The following AOX1 variants were observed in gnomAD, a reference collection of about 807,000 sequenced individuals.
AOX1 encodes aldehyde oxidase.
AOX1 carries 153 observed loss-of-function variants against 169.5 expected under a neutral mutation model. That is an observed-to-expected ratio of 0.90 (90% CI 0.79 to 1.03). AOX1 has a LOEUF of 1.03. Among genes scored for constraint, AOX1 ranks in the 50% least tolerant of loss-of-function variants. The probability of loss-of-function intolerance (pLI) is 0.00; values close to 1 mark genes in which losing one functional copy is unlikely to be tolerated. For missense variants in AOX1, 1,656 were observed against 1,663.9 expected, an observed-to-expected ratio of 1.00 and a Z score of 0.08; for synonymous variants, 562 against 581.9, an observed-to-expected ratio of 0.97 and a Z score of 0.49.
rs774139908 is a variant in AOX1, at chr2:200,623,918, A to G, written c.2059A>G (p.Lys687Glu). Residue 687 changes from lysine to glutamate, a missense_variant, in exon 19 of 35, where the codon AAG becomes GAG. Physicochemically the swap from Lys to Glu is moderately conservative, Grantham distance 56. Transcript: ENST00000374700. The stretch of plus-strand genomic sequence containing the variant: ...GCTTGCCGATTCTGAGGTTCAGGCA[A>G]AGCGAGCTGCTAAGCGAGTGAAGAT... Reference protein sequence around the residue: ...AVLADSEVQAKRAAKRVKIVY... With the variant: ...AVLADSEVQAERAAKRVKIVY... 6.2e-7 allele frequency: 1 copy of G among 1,614,046 alleles called. No individual in the cohort carries two copies. The highest frequency in any genetic ancestry group is 1.3e-5 in the African/African-American group (1 of 74,944).
chr2:200,670,050 T>G (rs1574968432), intron 34 of AOX1, among the ~76,000 whole-genome samples: 1 of 152,164 alleles, frequency 6.6e-6, no homozygotes, highest in East Asian at 1.9e-4. Context: ...TGGTCAGGAA[T>G]AGAAGTTCAG....
intron 1 of AOX1, chr2:200,588,124 G>T (rs1045932113): frequency 9.8e-5 from 15 of 152,464 alleles, no homozygotes; most frequent in African/African-American, 3.6e-4. Flanking sequence ...CAGAGAGTAT[G>T]CAGGATACTT....
intron 12 of AOX1, among the ~76,000 whole-genome samples, 156 bp downstream of exon 12, chr2:200,609,570 C>G (rs2034590673): frequency 6.6e-6 from 1 of 152,152 alleles, no homozygotes; most frequent in Non-Finnish European, 1.5e-5. Flanking sequence ...TGAGTCTTGT[C>G]TTAATAGCAC....
At chr2:200,680,845 G>C (rs999772314), downstream of AOX1, among the ~76,000 whole-genome samples, 3 of 152,110 alleles carry the variant, frequency 2.0e-5, no homozygotes, top group Non-Finnish European at 4.4e-5. Flanking sequence ...CATATACCCA[G>C]CCAGGGCCAA....
At position 200,621,071 on chromosome 2, in the gene AOX1, C is replaced by G. The variant is rs199520182; in HGVS notation, c.1875-49C>G. ...ATCTTATTATCCAATTAACCATGTT[C>G]TTGGCCTCTATGGCCACTCTAAGGA... is the stretch of plus-strand genomic sequence containing the variant. On this transcript the variant is annotated intron_variant, in intron 17 of 34. Coordinates refer to ENST00000374700, the MANE Select transcript of AOX1 (RefSeq NM_001159.4). 31 of 1,571,354 alleles carry G rather than the reference C, an allele frequency of 2.0e-5. No individual in the cohort carries two copies. In the East Asian group the frequency reaches 7.0e-4, roughly 35 times the overall value.
Position 200,666,741 on chromosome 2 carries a change from G to A in AOX1, c.3598G>A (p.Asp1200Asn), listed in dbSNP as rs1207592904. The A allele has an allele frequency of 3.1e-6, 5 of 1,611,078 alleles. No individual in the cohort carries two copies. Among genetic ancestry groups the A allele is most frequent in the South Asian group, 1.1e-5 (1 of 90,366 alleles). ...TGGCTGCAGTATAAATCCAGCCATT[G>A]ACATAGGCCAGGTACGTGTAACTGA... Reference protein sequence around the residue: ...DVGCSINPAIDIGQIEGAFIQ... With the variant: ...DVGCSINPAINIGQIEGAFIQ... The change falls in exon 32 of 35, where the codon GAC becomes AAC. Residue 1200 changes from aspartate (D) to asparagine (N), a missense_variant. Asp to Asn is a conservative substitution (Grantham distance 23). Coordinates refer to ENST00000374700, the MANE Select transcript of AOX1 (RefSeq NM_001159.4).
At chr2:200,606,210 A>T (rs1267505361) in intron 10 of AOX1, among the ~76,000 whole-genome samples, 1 of 152,200 alleles carries the variant, frequency 6.6e-6, no homozygotes, top group Non-Finnish European at 1.5e-5. Flanking sequence ...ATGGCTAGCC[A>T]GTTTTCCCAG....
rs2034261917 is a variant in AOX1, at chr2:200,595,362, GGATAAGGTACCGTGCAGCAAAGTCCA to G, written c.199_200+24del. The G allele has an allele frequency of 6.2e-7, 1 of 1,611,620 alleles. No homozygotes were observed. Among genetic ancestry groups the G allele is most frequent in the South Asian group, 1.1e-5 (1 of 90,816 alleles). On this transcript the variant is annotated splice_donor_variant and splice_donor_5th_base_variant and coding_sequence_variant and intron_variant, in exon 3 of 35. Transcript: ENST00000374700. LOFTEE classifies it high-confidence loss of function. ...TCACGATACAACCCCATCACCAAGA[GGATAAGGTACCGTGCAGCAAAGTCCA>G]GATATGGTTGAATTTTTATAATTTT...
intron 4 of AOX1, among the ~76,000 whole-genome samples, chr2:200,598,679 A>G (rs916914065): frequency 7.3e-5 from 11 of 150,882 alleles, no homozygotes; most frequent in Non-Finnish European, 1.0e-4. Flanking sequence ...TGGGAGGTGG[A>G]GGTTGCAGTG....
intron 20 of AOX1, among the ~76,000 whole-genome samples, chr2:200,630,548 G>GAGGA (rs67400406): frequency 0.18 from 21,889 of 119,406 alleles, 2,301 homozygotes; most frequent in Non-Finnish European, 0.23. Context: ...GGAAGGAAGG[G>GAGGA]AGGAAGGAAG....
chr2:200,662,034 T>C (rs1046248651), intron 30 of AOX1, among the ~76,000 whole-genome samples: 4 of 152,200 alleles, frequency 2.6e-5, no homozygotes, highest in African/African-American at 7.2e-5. Flanking sequence ...ACCTTCAGGA[T>C]TGGCAAAAAA....
intron 4 of AOX1, 101 bp from the exon 5 acceptor site, chr2:200,599,519 C>A: frequency 1.1e-6 from 1 of 945,626 alleles, no homozygotes; most frequent in Non-Finnish European, 1.5e-6. Context: ...TCTTAACATG[C>A]AGACAAATCA....
rs754501407 is a variant in AOX1, at chr2:200,627,384, C to T, written c.2156C>T (p.Pro719Leu). The T allele has an allele frequency of 1.9e-6, 3 of 1,613,836 alleles. No homozygotes were observed. The highest frequency in any genetic ancestry group is 2.5e-6 in the Non-Finnish European group (3 of 1,179,786). ...ESIQHNSSFK[P>L]ERKLEYGNVD... ...ATACAACACAACTCCTCCTTCAAGC[C>T]AGAAAGGAAACTGGAATATGGAAAT... The change falls in exon 20 of 35, where the codon CCA (proline) becomes CTA (leucine). Residue 719 changes from proline to leucine, a missense_variant. Coordinates refer to ENST00000374700, the MANE Select transcript of AOX1 (RefSeq NM_001159.4).
Position 200,611,417 on chromosome 2 carries a change from T to G in AOX1, c.1187T>G (p.Phe396Cys), listed in dbSNP as rs201249186. 3.9e-5 allele frequency: 63 copies of G among 1,613,812 alleles called. No homozygotes were observed. In the African/African-American group the frequency reaches 8.4e-4, roughly 22 times the overall value. ...GKRQIPLNEQ[F>C]LSKCPNADLK... ...CGACAGATTCCTTTAAATGAGCAAT[T>G]CCTCAGCAAGTGCCCTAATGCAGAT... Residue 396 changes from phenylalanine to cysteine, a missense_variant, in exon 13 of 35, where the codon TTC (phenylalanine) becomes TGC (cysteine). Phe to Cys is a radical substitution (Grantham distance 205). Coordinates refer to ENST00000374700, the MANE Select transcript of AOX1 (RefSeq NM_001159.4).
chr2:200,591,455 G>A (rs1265522247), intron 1 of AOX1, among the ~76,000 whole-genome samples: 1 of 152,194 alleles, frequency 6.6e-6, no homozygotes, highest in Admixed American at 6.5e-5. Flanking sequence ...CAGGACAGAG[G>A]GAACCTTGCA....
intron 3 of AOX1, 129 bp downstream of exon 3, chr2:200,595,497 T>G: frequency 1.8e-6 from 1 of 559,996 alleles, no homozygotes; most frequent in Non-Finnish European, 3.1e-6. Context: ...CGTACAATGA[T>G]GAACAAGACA....
intron 21 of AOX1, among the ~76,000 whole-genome samples, chr2:200,636,422 T>C (rs2465662): frequency 0.32 from 47,953 of 151,778 alleles, 7,979 homozygotes; most frequent in East Asian, 0.51. Context: ...AGCCACCACA[T>C]CTGGCTGAGA....
At chr2:200,632,227 A>C (rs1485879131) in intron 20 of AOX1, among the ~76,000 whole-genome samples, 1 of 151,806 alleles carries the variant, frequency 6.6e-6, no homozygotes, top group Admixed American at 6.6e-5. Flanking sequence ...CATTTTGATT[A>C]ATCTATAGTA....
intron 29 of AOX1, among the ~76,000 whole-genome samples, chr2:200,661,153 A>G (rs915913855): frequency 6.6e-6 from 1 of 152,252 alleles, no homozygotes; most frequent in Non-Finnish European, 1.5e-5. Flanking sequence ...AAATGTGTCC[A>G]GAAAGGATTG....
Sources: allele counts gnomAD v4.1 joint callset (sites outside exome capture counted in the v4.1 genomes callset), GRCh38; gene constraint gnomAD v4.1.1; transcripts MANE v1.5; gene names NCBI Gene and HGNC (gene_info 2026-07-23, HGNC 2026-07-21).